The following OVCH1 variants were observed in gnomAD, a reference collection of about 807,000 sequenced individuals.
OVCH1 encodes the protein ovochymase-1.
OVCH1 carries 139 observed loss-of-function variants against 138.4 expected under a neutral mutation model. That is an observed-to-expected ratio of 1.00 (90% CI 0.87 to 1.16). OVCH1 has a LOEUF of 1.16. Among genes scored for constraint, OVCH1 ranks in the 50% most tolerant of loss-of-function variants. The pLI is 0.00. For missense variants in OVCH1, 1,367 were observed against 1,357.9 expected, an observed-to-expected ratio of 1.01 and a Z score of -0.11; for synonymous variants, 453 against 467.8, an observed-to-expected ratio of 0.97 and a Z score of 0.41.
the OVCH1 span, among the ~76,000 whole-genome samples, chr12:29,406,743 G>A: frequency 6.9e-6 from 1 of 144,762 alleles, no homozygotes; most frequent in Non-Finnish European, 1.5e-5. Context: ...CTTTGCTATT[G>A]TGAATAGTGC....
intron 22 of OVCH1, among the ~76,000 whole-genome samples, chr12:29,448,785 C>G (rs1941688098): frequency 6.6e-6 from 1 of 152,134 alleles, no homozygotes; most frequent in East Asian, 1.9e-4. Context: ...GATTTAATCT[C>G]TCAGAGTTTA....
intron 26 of OVCH1, among the ~76,000 whole-genome samples, chr12:29,436,641 CAG>C (rs748976031): frequency 6.6e-6 from 1 of 152,128 alleles, no homozygotes; most frequent in Non-Finnish European, 1.5e-5. Flanking sequence ...CAGATGTGTC[CAG>C]AGTTTCTTCC....
At chr12:29,417,649 TTTAA>T (rs1222170264) in intron 3 of OVCH1, among the ~76,000 whole-genome samples, 3 of 152,022 alleles carry the variant, frequency 2.0e-5, no homozygotes, top group African/African-American at 7.3e-5. Context: ...TCAATATAAG[TTTAA>T]TTAACATCAA....
chr12:29,494,192 T>C (rs1275166321), intron 4 of OVCH1, among the ~76,000 whole-genome samples: 2 of 152,180 alleles, frequency 1.3e-5, no homozygotes, highest in East Asian at 3.8e-4. Flanking sequence ...AAGCATCACC[T>C]TTCAGAAAGT....
At chr12:29,441,392 G>A (rs1941481523) in intron 25 of OVCH1, among the ~76,000 whole-genome samples, 1 of 152,128 alleles carries the variant, frequency 6.6e-6, no homozygotes, top group Non-Finnish European at 1.5e-5. Context: ...TTTAATAAAT[G>A]GTGCTGGGAA....
downstream of OVCH1, chr12:29,423,054 C>A: frequency 3.0e-6 from 1 of 333,376 alleles, no homozygotes; most frequent in Non-Finnish European, 5.9e-6. Context: ...ACCCTTAAAC[C>A]AATGGGCTGC....
downstream of OVCH1, among the ~76,000 whole-genome samples, chr12:29,409,558 G>A (rs1340878230): frequency 6.6e-6 from 1 of 151,870 alleles, no homozygotes; most frequent in African/African-American, 2.4e-5. Context: ...CCTTCATTTC[G>A]TTATGTACCC....
intron 26 of OVCH1, among the ~76,000 whole-genome samples, chr12:29,438,525 T>C (rs546821252): frequency 2.6e-5 from 4 of 152,308 alleles, no homozygotes; most frequent in African/African-American, 9.6e-5. Context: ...TAATTTGTGT[T>C]GAATTAATAT....
chr12:29,491,231 A>G, intron 4 of OVCH1, 39 bp from the exon 5 acceptor site: 1 of 1,477,596 alleles, frequency 6.8e-7, no homozygotes, highest in Non-Finnish European at 9.4e-7. Context: ...ATGGATAAAT[A>G]CGCCATGTTG....
At chr12:29,461,965 C>G (rs1241988493) in exon 19 of OVCH1, 5 of 1,613,820 alleles carry the variant, frequency 3.1e-6, no homozygotes, top group Non-Finnish European at 2.5e-6. Context: ...CTCTTTCTAA[C>G]ACATGCACTT....
chr12:29,419,858 CCAAA>C (rs1183987996), intron 3 of OVCH1, among the ~76,000 whole-genome samples: 2 of 152,054 alleles, frequency 1.3e-5, no homozygotes, highest in Non-Finnish European at 1.5e-5. Context: ...TGCAAACTCC[CCAAA>C]CAGTTTTGAA....
chr12:29,405,262 C>T, the OVCH1 span, among the ~76,000 whole-genome samples: 3 of 151,952 alleles, frequency 2.0e-5, no homozygotes, highest in African/African-American at 7.3e-5. Context: ...GCATCTATAC[C>T]TCTTTATGAA....
intron 5 of OVCH1, among the ~76,000 whole-genome samples, chr12:29,490,515 A>T (rs1427363563): frequency 1.3e-5 from 2 of 152,248 alleles, no homozygotes; most frequent in African/African-American, 4.8e-5. Context: ...AATGATTACC[A>T]TAATCATGGT....
chr12:29,430,867 T>C, intron 27 of OVCH1: 1 of 517,376 alleles, frequency 1.9e-6, no homozygotes, highest in South Asian at 1.4e-5. Flanking sequence ...AAAGTTCAGT[T>C]GGAGAGTTCC....
chr12:29,424,774 G>A (rs73276833), downstream of OVCH1, among the ~76,000 whole-genome samples: 26,260 of 152,076 alleles, frequency 0.17, 2,533 homozygotes, highest in African/African-American at 0.27. Flanking sequence ...CTCTGTCTGT[G>A]CCTCAGTATT....
intron 3 of OVCH1, among the ~76,000 whole-genome samples, chr12:29,418,163 G>A (rs1225933516): frequency 6.6e-6 from 1 of 152,148 alleles, no homozygotes; most frequent in Non-Finnish European, 1.5e-5. Context: ...TAAAGCTGAG[G>A]CACAGGAAAG....
intron 26 of OVCH1, among the ~76,000 whole-genome samples, chr12:29,438,460 C>A (rs1941405065): frequency 7.4e-5 from 1 of 13,592 alleles, no homozygotes; most frequent in Non-Finnish European, 1.5e-4. Flanking sequence ...CCTCTTCATC[C>A]CTCCAGAAAA....
chr12:29,464,502 C>T lies in OVCH1; in HGVS notation c.2125+5G>A. ...TTAATGTTTATGCAACAAAAATATGCTTACCTGCACTGATGCTTCCCCATC... is the reference window on the plus strand; with the variant it reads ...TTAATGTTTATGCAACAAAAATATGTTTACCTGCACTGATGCTTCCCCATC... On this transcript the variant is annotated splice_donor_5th_base_variant and intron_variant, in intron 18 of 27. Transcript: ENST00000318184. 1 of 1,612,404 alleles carries T rather than the reference C, an allele frequency of 6.2e-7. No homozygotes were observed. The highest frequency in any genetic ancestry group is 1.1e-5 in the South Asian group (1 of 90,928).
At chr12:29,451,615 C>A in intron 21 of OVCH1, 46 bp from the exon 22 acceptor site, 2 of 1,446,262 alleles carry the variant, frequency 1.4e-6, no homozygotes, top group Admixed American at 2.2e-5. Flanking sequence ...ATAAATAAAG[C>A]AAAGAAAAAC....
Sources: gnomAD v4.1 joint callset for allele counts (sites outside exome capture counted in the v4.1 genomes callset) on GRCh38, gnomAD v4.1.1 for gene constraint, MANE v1.5 for transcripts, NCBI Gene and HGNC (gene_info 2026-07-23, HGNC 2026-07-21) for gene names.